Variants in TLE4 observed in about 807,000 individuals in gnomAD.
TLE4 encodes the protein TLE family member 4, transcriptional corepressor, also known as transducin-like enhancer protein 4.
A neutral mutation model predicts 92.8 loss-of-function variants in TLE4; 8 were observed. The ratio of observed to expected loss-of-function variants is 0.09; its 90% confidence interval spans 0.05 to 0.16. The LOEUF (loss-of-function observed/expected upper bound fraction) is 0.16. TLE4 is among the 10% of genes least tolerant of loss of function. The pLI, the probability that TLE4 is intolerant of heterozygous loss-of-function variation, is 1.00. For missense variants in TLE4, 675 were observed against 997.6 expected, an observed-to-expected ratio of 0.68 and a Z score of 4.36; for synonymous variants, 371 against 374.1, an observed-to-expected ratio of 0.99 and a Z score of 0.10.
Position 79,572,378 on chromosome 9 carries a change from A to T in TLE4, c.-413A>T, listed in dbSNP as rs2036048772. On this transcript the variant is annotated 5_prime_UTR_variant, in exon 1 of 20. Transcript: ENST00000376552. Reference sequence around the variant, plus strand: ...ATAACAACCAATTAAAAGACAAATAAAAAAAGTTTGGAGTGGGACGCAGAG... The same window carrying T: ...ATAACAACCAATTAAAAGACAAATATAAAAAGTTTGGAGTGGGACGCAGAG... 6.6e-6 allele frequency: 1 copy of T among 152,120 alleles called. No individual in the cohort carries two copies. The highest frequency in any genetic ancestry group is 1.5e-5 in the Non-Finnish European group (1 of 68,056). 9.4% of individuals were successfully genotyped at this position (152,120 alleles called of 1,614,324 possible).
intron 4 of TLE4, among the ~76,000 whole-genome samples, chr9:79,579,648 TTA>T (rs969154290): frequency 4.6e-5 from 7 of 152,054 alleles, no homozygotes; most frequent in Non-Finnish European, 7.4e-5. Context: ...GTGTGTATTT[TTA>T]TATGTGTGTG....
intron 6 of TLE4, among the ~76,000 whole-genome samples, chr9:79,631,636 G>GTGTGTGTGTC (rs1357054302): frequency 6.6e-6 from 1 of 150,438 alleles, no homozygotes. Context: ...GTGTGTGTGT[G>GTGTGTGTGTC]TGTGTGTGTG....
intron 15 of TLE4, 68 bp downstream of exon 15, chr9:79,719,039 T>C: frequency 1.3e-6 from 2 of 1,550,260 alleles, no homozygotes; most frequent in Non-Finnish European, 1.7e-6. Flanking sequence ...ATGAGAGAAC[T>C]GTATGTATGA....
chr9:79,612,862 C>G (rs1422526968), intron 5 of TLE4, 144 bp downstream of exon 5: 1 of 679,014 alleles, frequency 1.5e-6, no homozygotes, highest in Admixed American at 2.6e-5. Context: ...AGTGTTCTCA[C>G]TCCAACTTGT....
At chr9:79,609,156 C>G (rs2047783552) in intron 4 of TLE4, among the ~76,000 whole-genome samples, 1 of 151,974 alleles carries the variant, frequency 6.6e-6, no homozygotes, top group Admixed American at 6.6e-5. Context: ...GATAAATTTT[C>G]CAATGATTCT....
chr9:79,646,374 T>C (rs1280068245), intron 6 of TLE4, among the ~76,000 whole-genome samples: 1 of 152,220 alleles, frequency 6.6e-6, no homozygotes, highest in African/African-American at 2.4e-5. Context: ...ATTATGGTAC[T>C]CTCAGCTACT....
At chr9:79,722,754 A>G (rs1460353322) in intron 18 of TLE4, among the ~76,000 whole-genome samples, 153 bp downstream of exon 18, 2 of 152,184 alleles carry the variant, frequency 1.3e-5, no homozygotes, top group African/African-American at 2.4e-5. Flanking sequence ...CCCCAACACC[A>G]TGTAATTTTC....
intron 4 of TLE4, among the ~76,000 whole-genome samples, chr9:79,581,441 T>G (rs1587665906): frequency 6.6e-6 from 1 of 152,332 alleles, no homozygotes; most frequent in East Asian, 1.9e-4. Context: ...TGGATTCTTT[T>G]GTCTTTCTAG....
At chr9:79,696,280 C>T (rs770041917) in intron 8 of TLE4, among the ~76,000 whole-genome samples, 4 of 152,038 alleles carry the variant, frequency 2.6e-5, no homozygotes, top group Admixed American at 6.6e-5. Flanking sequence ...TCTGACTATC[C>T]GAAAAGTGTA....
intron 8 of TLE4, among the ~76,000 whole-genome samples, chr9:79,689,232 A>G (rs1035578434): frequency 3.3e-5 from 5 of 152,072 alleles, no homozygotes; most frequent in Admixed American, 2.6e-4. Context: ...AGGCTTTGCA[A>G]AGTTGATAAG....
intron 8 of TLE4, among the ~76,000 whole-genome samples, chr9:79,658,398 G>T (rs1300821490): frequency 6.6e-6 from 1 of 151,916 alleles, no homozygotes; most frequent in Non-Finnish European, 1.5e-5. Flanking sequence ...CCTTGATTTT[G>T]TTTAAAGGTT....
chr9:79,646,611 A>C (rs937084337), intron 6 of TLE4, among the ~76,000 whole-genome samples: 2 of 152,200 alleles, frequency 1.3e-5, no homozygotes, highest in African/African-American at 4.8e-5. Flanking sequence ...AACCCTTATC[A>C]GTTATAAAAT....
chr9:79,605,171 C>G (rs1052703748), intron 4 of TLE4, among the ~76,000 whole-genome samples: 41 of 152,208 alleles, frequency 2.7e-4, no homozygotes, highest in African/African-American at 9.4e-4. Flanking sequence ...CTGACCGGTT[C>G]CACCTTGTTC....
Position 79,722,492 on chromosome 9 carries a change from A to G in TLE4, c.2028A>G (p.Ala676=). ...LGYCPTGEWL[A]VGMENSNVEV... ...ACTGCCCAACTGGAGAGTGGCTTGC[A>G]GTGGGGATGGAGAACAGCAATGTGG... Residue 676 remains alanine, a synonymous_variant, in exon 18 of 20, where the codon GCA becomes GCG. Transcript: ENST00000376552. The G allele has an allele frequency of 1.2e-6, 2 of 1,614,204 alleles. No homozygotes were observed. The highest frequency in any genetic ancestry group is 1.6e-4 in the Middle Eastern group (1 of 6,062).
intron 11 of TLE4, chr9:79,707,362 TCAC>T: frequency 1.4e-6 from 1 of 695,064 alleles, no homozygotes; most frequent in South Asian, 1.8e-5. Flanking sequence ...ACATCACAAA[TCAC>T]AAATGCAAAA....
At chr9:79,714,853 T>C (rs541601317) in intron 14 of TLE4, among the ~76,000 whole-genome samples, 2 of 152,358 alleles carry the variant, frequency 1.3e-5, no homozygotes, top group African/African-American at 4.8e-5. Context: ...TGCGCCTCGG[T>C]TTCTCTGATT....
chr9:79,603,557 A>ATAG (rs2046148583), intron 4 of TLE4, among the ~76,000 whole-genome samples: 1 of 152,150 alleles, frequency 6.6e-6, no homozygotes, highest in Non-Finnish European at 1.5e-5. Context: ...CACTTAAACT[A>ATAG]TAGTACAAAC....
intron 4 of TLE4, among the ~76,000 whole-genome samples, chr9:79,587,301 C>T (rs62566848): frequency 6.6e-6 from 1 of 152,102 alleles, no homozygotes; most frequent in Non-Finnish European, 1.5e-5. Context: ...TGGCTTTATG[C>T]TGAGCAAAAA....
At chr9:79,722,700 T>C in intron 18 of TLE4, 99 bp downstream of exon 18, 1 of 1,422,524 alleles carries the variant, frequency 7.0e-7, no homozygotes, top group Non-Finnish European at 9.6e-7. Context: ...TTCATTACCA[T>C]GCCCCTCTTC....
Sources: allele counts gnomAD v4.1 joint callset (sites outside exome capture counted in the v4.1 genomes callset), GRCh38; gene constraint gnomAD v4.1.1; transcripts MANE v1.5; gene names NCBI Gene and HGNC (gene_info 2026-07-23, HGNC 2026-07-21).